ZNG1C: variants seen among roughly 807,000 people sequenced by gnomAD.
ZNG1C encodes Zn regulated GTPase metalloprotein activator 1C, also known as zinc-regulated GTPase metalloprotein activator 1C.
chr9:68,293,190 GA>G, the ZNG1C span, among the ~76,000 whole-genome samples: 1 of 152,200 alleles, frequency 6.6e-6, no homozygotes, highest in East Asian at 1.9e-4. Context: ...ACAAATCCAG[GA>G]AACATATCAA....
At chr9:68,299,251 A>C in the ZNG1C span, 1 of 1,543,678 alleles carries the variant, frequency 6.5e-7, no homozygotes, top group Non-Finnish European at 8.7e-7. Context: ...AACGTTCGTA[A>C]AAGCTTGTTA....
chr9:68,256,242 G>A, the ZNG1C span, among the ~76,000 whole-genome samples: 1 of 147,274 alleles, frequency 6.8e-6, no homozygotes, highest in African/African-American at 2.5e-5. Flanking sequence ...CTTGCTGTCA[G>A]TTTTCTTTTT....
At chr9:68,260,476 A>T in the ZNG1C span, among the ~76,000 whole-genome samples, 1 of 138,532 alleles carries the variant, frequency 7.2e-6, no homozygotes, top group Non-Finnish European at 1.6e-5. Context: ...TAAATTATTA[A>T]ATCAGTATAC....
chr9:68,290,628 C>A, the ZNG1C span, among the ~76,000 whole-genome samples: 1 of 119,292 alleles, frequency 8.4e-6, no homozygotes, highest in Non-Finnish European at 1.7e-5. Flanking sequence ...TCGTATTTTG[C>A]GACATTCTCA....
the ZNG1C span, among the ~76,000 whole-genome samples, chr9:68,294,095 A>T: frequency 3.3e-5 from 5 of 152,036 alleles, 1 homozygote; most frequent in Admixed American, 3.3e-4. Flanking sequence ...GTCAAAGATG[A>T]AATCAAGATG....
the ZNG1C span, among the ~76,000 whole-genome samples, chr9:68,285,063 G>A: frequency 6.7e-6 from 1 of 149,548 alleles, no homozygotes. Context: ...AGTGACACTT[G>A]AAGTAGCTAT....
At chr9:68,260,401 AG>A in the ZNG1C span, among the ~76,000 whole-genome samples, 1 of 152,306 alleles carries the variant, frequency 6.6e-6, no homozygotes, top group South Asian at 2.1e-4. Context: ...AAAAAAACAA[AG>A]CAACATTCTG....
chr9:68,264,823 A>T, the ZNG1C span, among the ~76,000 whole-genome samples: 13,355 of 35,304 alleles, frequency 0.38, 2,560 homozygotes, highest in Middle Eastern at 0.46. Context: ...ATTGAAGATT[A>T]TATATATATA....
the ZNG1C span, among the ~76,000 whole-genome samples, chr9:68,255,849 C>T: frequency 6.6e-6 from 1 of 152,226 alleles, no homozygotes; most frequent in Admixed American, 6.5e-5. Context: ...CTGACACTCT[C>T]CAGTTCTAAG....
At chr9:68,274,408 G>C in the ZNG1C span, 1 of 173,716 alleles carries the variant, frequency 5.8e-6, no homozygotes, top group Non-Finnish European at 1.2e-5. Context: ...GTGACGATCA[G>C]GGTCCTAGAG....
the ZNG1C span, among the ~76,000 whole-genome samples, chr9:68,282,068 TC>T: frequency 1.6e-5 from 2 of 124,226 alleles, no homozygotes; most frequent in Non-Finnish European, 3.3e-5. Context: ...GAGTTCTAAT[TC>T]CCATTCCTAT....
chr9:68,275,933 G>A, the ZNG1C span, among the ~76,000 whole-genome samples: 1 of 147,498 alleles, frequency 6.8e-6, no homozygotes, highest in Non-Finnish European at 1.5e-5. Flanking sequence ...GTGTAAAAGT[G>A]TTCCTATTTC....
chr9:68,299,185 G>A, the ZNG1C span: 1 of 1,470,914 alleles, frequency 6.8e-7, no homozygotes, highest in East Asian at 2.3e-5. Flanking sequence ...AACCATTCAG[G>A]TCCTCTTTTA....
chr9:68,265,046 T>C, the ZNG1C span, among the ~76,000 whole-genome samples: 1 of 103,424 alleles, frequency 9.7e-6, no homozygotes, highest in Non-Finnish European at 2.1e-5. Context: ...TTATTTTATT[T>C]ATTTTATTTT....
the ZNG1C span, among the ~76,000 whole-genome samples, chr9:68,297,045 ATTTT>A: frequency 6.7e-6 from 1 of 148,866 alleles, no homozygotes; most frequent in African/African-American, 2.5e-5. Context: ...TTTCTTTTGT[ATTTT>A]TTTTTTAAGA....
chr9:68,274,061 G>T, the ZNG1C span: 1 of 149,006 alleles, frequency 6.7e-6, no homozygotes, highest in African/African-American at 2.5e-5. Context: ...GGCCAGGATG[G>T]TCTTGATCTT....
the ZNG1C span, among the ~76,000 whole-genome samples, chr9:68,295,994 C>CA: frequency 8.2e-5 from 10 of 121,244 alleles, no homozygotes; most frequent in Middle Eastern, 3.6e-3. Context: ...AGTCATTATA[C>CA]AAAAAAGATA....
At chr9:68,293,345 A>G in the ZNG1C span, among the ~76,000 whole-genome samples, 3 of 151,834 alleles carry the variant, frequency 2.0e-5, no homozygotes, top group African/African-American at 7.2e-5. Flanking sequence ...CAATACTAAC[A>G]TTGAATATAA....
the ZNG1C span, among the ~76,000 whole-genome samples, chr9:68,246,486 A>AT: frequency 1.1e-5 from 1 of 91,962 alleles, no homozygotes; most frequent in Non-Finnish European, 2.2e-5. Flanking sequence ...TATTTTCTTT[A>AT]TTTTTTCCTG....
Sources: gnomAD v4.1 joint callset for allele counts (sites outside exome capture counted in the v4.1 genomes callset) on GRCh38, gnomAD v4.1.1 for gene constraint, MANE v1.5 for transcripts, NCBI Gene and HGNC (gene_info 2026-07-23, HGNC 2026-07-21) for gene names.